The following CCN4 variants were observed in gnomAD, a reference collection of about 807,000 sequenced individuals.
The protein encoded by CCN4 is cellular communication network factor 4.
CCN4 carries 30 observed loss-of-function variants against 36.7 expected under a neutral mutation model. The observed-to-expected ratio is 0.82, with a 90% confidence interval of 0.61 to 1.11. The LOEUF is 1.11. Ranked by LOEUF, CCN4 falls within the 50% of genes least tolerant of loss-of-function variation. The pLI, the probability that CCN4 is intolerant of heterozygous loss-of-function variation, is 0.00. For synonymous variants in CCN4, 191 were observed against 195.4 expected (o/e 0.98, Z 0.19); for missense variants, 505 against 504.9 (o/e 1.00, Z 0.00).
chr8:133,195,971 C>T (rs1205831148), intron 1 of CCN4, among the ~76,000 whole-genome samples: 1 of 152,210 alleles, frequency 6.6e-6, no homozygotes, highest in African/African-American at 2.4e-5. Context: ...AGCCATGGTC[C>T]AGGTGGGTTC....
Position 133,220,490 on chromosome 8 carries a change from G to C in CCN4, c.350-91G>C. 5 of 1,540,578 alleles carry C rather than the reference G, an allele frequency of 3.2e-6. No individual in the cohort carries two copies. The South Asian group carries it at 6.1e-5, about 19-fold the overall frequency. On this transcript the variant is annotated intron_variant, in intron 2 of 4. Coordinates refer to ENST00000250160, the MANE Select transcript of CCN4 (RefSeq NM_003882.4). ...ATGCTGGGAGCCATCCCCGGGATTG[G>C]GGCATGGTCCACATGGAGCCCCTAT...
chr8:133,209,528 C>T (rs553718527), intron 1 of CCN4, among the ~76,000 whole-genome samples: 2 of 152,360 alleles, frequency 1.3e-5, no homozygotes, highest in South Asian at 4.1e-4. Context: ...GTTCCCCTGT[C>T]CAAGGGAGGA....
chr8:133,194,295 T>TAC (rs1853226720), intron 1 of CCN4, among the ~76,000 whole-genome samples: 1 of 115,242 alleles, frequency 8.7e-6, no homozygotes, highest in Non-Finnish European at 1.8e-5. Flanking sequence ...GTGTGTCTGG[T>TAC]GTGTGTGTGT....
intron 1 of CCN4, among the ~76,000 whole-genome samples, chr8:133,206,485 C>G (rs1028547214): frequency 1.3e-5 from 2 of 152,160 alleles, no homozygotes; most frequent in African/African-American, 4.8e-5. Flanking sequence ...TCCCCCACTC[C>G]TTTTTTTGGG....
chr8:133,206,996 G>A (rs1853799353), intron 1 of CCN4, among the ~76,000 whole-genome samples: 1 of 152,178 alleles, frequency 6.6e-6, no homozygotes, highest in Non-Finnish European at 1.5e-5. Context: ...CAGGAAGGCG[G>A]GGGGGAAACT....
At chr8:133,214,646 T>A (rs1854253244) in intron 2 of CCN4, among the ~76,000 whole-genome samples, 1 of 152,124 alleles carries the variant, frequency 6.6e-6, no homozygotes, top group Non-Finnish European at 1.5e-5. Flanking sequence ...CGGACTTGTA[T>A]TCCCTTGAAT....
intron 1 of CCN4, among the ~76,000 whole-genome samples, chr8:133,197,523 C>A (rs776541097): frequency 1.4e-4 from 22 of 152,022 alleles, no homozygotes; most frequent in Non-Finnish European, 2.9e-4. Flanking sequence ...CTCTAGTCTC[C>A]CCCCCAGCTC....
chr8:133,217,265 C>A (rs28637383), intron 2 of CCN4, among the ~76,000 whole-genome samples: 52,456 of 152,118 alleles, frequency 0.34, 10,704 homozygotes, highest in Middle Eastern at 0.49. Context: ...AGTGAGGCAG[C>A]AAAAACAAAC....
chr8:133,204,070 A>G (rs1853680748), intron 1 of CCN4, among the ~76,000 whole-genome samples: 1 of 152,166 alleles, frequency 6.6e-6, no homozygotes, highest in Admixed American at 6.5e-5. Flanking sequence ...AGTTTGTCCA[A>G]TAAGTATGAT....
rs562288468 is a variant in CCN4, at chr8:133,211,446, T to C, written c.70-1418T>C. 5.9e-5 allele frequency among the ~76,000 whole-genome samples: 9 copies of C among 152,314 alleles called. No homozygotes were observed. The South Asian group carries it at 1.4e-3, about 25-fold the overall frequency. The stretch of plus-strand genomic sequence containing the variant: ...GAGGCAAAAGTAGAAGCTGTTGTAA[T>C]GAGAGTTAGGAGATTAATTTGCATC... On this transcript the variant is annotated intron_variant, in intron 1 of 4. Coordinates refer to ENST00000250160, the MANE Select transcript of CCN4 (RefSeq NM_003882.4).
At chr8:133,197,492 AACACCAGTGACCGAGATAG>A (rs2130532168) in intron 1 of CCN4, among the ~76,000 whole-genome samples, 1 of 152,232 alleles carries the variant, frequency 6.6e-6, no homozygotes, top group South Asian at 2.1e-4. Context: ...CTTGATTTCA[AACACCAGTGACCGAGATAG>A]ACTCTAGTCT....
At position 133,212,904 on chromosome 8, in the gene CCN4, C is replaced by T. The variant is rs1282934359; in HGVS notation, c.110C>T (p.Ala37Val). The T allele has an allele frequency of 6.2e-7, 1 of 1,610,002 alleles. No homozygotes were observed. Among genetic ancestry groups the T allele is most frequent in the Non-Finnish European group, 8.5e-7 (1 of 1,177,238 alleles). The change falls in exon 2 of 5, where the codon GCT becomes GTT. Residue 37 changes from alanine to valine, a missense_variant. Coordinates refer to ENST00000250160, the MANE Select transcript of CCN4 (RefSeq NM_003882.4). ...CCTACGACCATGGACTTTACCCCAGCTCCACTGGAGGACACCTCCTCACGC... is the reference window on the plus strand; with the variant it reads ...CCTACGACCATGGACTTTACCCCAGTTCCACTGGAGGACACCTCCTCACGC... ...PAPTTMDFTP[A>V]PLEDTSSRPQ... is the part of the protein sequence containing the mutation.
intron 1 of CCN4, among the ~76,000 whole-genome samples, chr8:133,194,995 TTG>T (rs202170715): frequency 0.014 from 1,517 of 106,850 alleles, 95 homozygotes; most frequent in Admixed American, 0.12. Context: ...TGTATGTGGT[TTG>T]TGTGTGTGTT....
chr8:133,191,254 C>T (rs948568212), intron 1 of CCN4, 41 bp downstream of exon 1: 3 of 1,585,010 alleles, frequency 1.9e-6, no homozygotes, highest in Non-Finnish European at 2.6e-6. Flanking sequence ...GACCCAGCTC[C>T]CTTCTCTACT....
intron 1 of CCN4, among the ~76,000 whole-genome samples, chr8:133,208,680 C>G (rs1448408998): frequency 6.6e-6 from 1 of 152,052 alleles, no homozygotes; most frequent in Non-Finnish European, 1.5e-5. Context: ...CATTGGGTAC[C>G]CTCTCCTGCT....
intron 1 of CCN4, among the ~76,000 whole-genome samples, chr8:133,197,366 G>A (rs545919188): frequency 5.9e-5 from 9 of 152,176 alleles, no homozygotes; most frequent in African/African-American, 2.2e-4. Context: ...GGGGAAGCTC[G>A]GAGAACATGG....
intron 1 of CCN4, among the ~76,000 whole-genome samples, chr8:133,194,685 GTGTGTGTGTGGA>G (rs1853282910): frequency 8.5e-6 from 1 of 118,032 alleles, no homozygotes; most frequent in Non-Finnish European, 1.7e-5. Context: ...TGTGTGTGTG[GTGTGTGTGTGGA>G]GGGTGTGTGT....
At chr8:133,194,525 G>GTAC (rs1686106204) in intron 1 of CCN4, among the ~76,000 whole-genome samples, 1 of 96,698 alleles carries the variant, frequency 1.0e-5, no homozygotes, top group East Asian at 3.6e-4. Context: ...GGTGTGTGTG[G>GTAC]GGGTGTGTGT....
intron 1 of CCN4, among the ~76,000 whole-genome samples, chr8:133,205,005 T>C (rs1462208603): frequency 6.6e-6 from 1 of 152,224 alleles, no homozygotes; most frequent in African/African-American, 2.4e-5. Context: ...AGCCCCAGGG[T>C]AGTTGTACTT....
Sources: gnomAD v4.1 joint callset for allele counts (sites outside exome capture counted in the v4.1 genomes callset) on GRCh38, gnomAD v4.1.1 for gene constraint, MANE v1.5 for transcripts, NCBI Gene and HGNC (gene_info 2026-07-23, HGNC 2026-07-21) for gene names.